Variants in MTRF1 observed in about 807,000 individuals in gnomAD.
The protein encoded by MTRF1 is peptide chain release factor 1, mitochondrial.
In MTRF1, 51 loss-of-function variants were observed where a neutral mutation model predicts 62.9. The ratio of observed to expected loss-of-function variants is 0.81; its 90% CI spans 0.65 to 1.02. The LOEUF (loss-of-function observed/expected upper bound fraction) is 1.02. Ranked by LOEUF, MTRF1 falls within the 50% of genes least tolerant of loss-of-function variation. The pLI is 0.00. For synonymous variants in MTRF1, 158 were observed against 181.9 expected, an observed-to-expected ratio of 0.87 and a Z score of 1.06; for missense variants, 446 against 530.0, an observed-to-expected ratio of 0.84 and a Z score of 1.56.
At chr13:41,304,136 T>C in the MTRF1 span, among the ~76,000 whole-genome samples, 1 of 152,088 alleles carries the variant, frequency 6.6e-6, no homozygotes, top group African/African-American at 2.4e-5. Flanking sequence ...TCTGGTAACA[T>C]AAGAAAAGAA....
chr13:41,272,768 A>G, the MTRF1 span, among the ~76,000 whole-genome samples: 1,209 of 152,212 alleles, frequency 7.9e-3, 16 homozygotes, highest in African/African-American at 0.027. Flanking sequence ...CAAACTACAT[A>G]AAGGATTTAC....
At chr13:41,222,135 T>A (rs151011849) in intron 9 of MTRF1, among the ~76,000 whole-genome samples, 208 of 152,242 alleles carry the variant, frequency 1.4e-3, no homozygotes, top group Middle Eastern at 0.014. Flanking sequence ...GAAAGAAGCC[T>A]TAGGTATCAC....
Position 41,252,833 on chromosome 13 carries a change from G to T in MTRF1, c.590-81C>A, listed in dbSNP as rs1593977396. ...AAGACTAAGTCCTTTAGGAAATAAA[G>T]AATAACTATTTCCAAATTTAAATAC... On this transcript the variant is annotated intron_variant, in intron 4 of 9. Coordinates refer to ENST00000379480, the MANE Select transcript of MTRF1 (RefSeq NM_004294.4). 2.9e-6 allele frequency: 4 copies of T among 1,380,144 alleles called. No homozygotes were observed. In the East Asian group the frequency reaches 7.0e-5, roughly 24 times the overall value. The allele number at this position is 1,380,144 out of a possible 1,614,324, so 85.5% of individuals were successfully genotyped here.
chr13:41,309,335 C>G, the MTRF1 span, among the ~76,000 whole-genome samples: 1 of 119,166 alleles, frequency 8.4e-6, no homozygotes, highest in African/African-American at 3.1e-5. Context: ...GCCACTATGC[C>G]CAGCTAGTGT....
intron 8 of MTRF1, among the ~76,000 whole-genome samples, chr13:41,223,919 A>G (rs1289846662): frequency 2.0e-5 from 3 of 151,756 alleles, no homozygotes; most frequent in East Asian, 3.9e-4. Flanking sequence ...TTAATCTCCA[A>G]TTTTTTTGCT....
the MTRF1 span, among the ~76,000 whole-genome samples, chr13:41,278,510 T>C: frequency 7.2e-5 from 11 of 152,206 alleles, no homozygotes; most frequent in Non-Finnish European, 1.3e-4. Flanking sequence ...CTATGCTCTA[T>C]GCAGAGGTTA....
the MTRF1 span, among the ~76,000 whole-genome samples, chr13:41,296,518 A>C: frequency 6.6e-6 from 1 of 152,358 alleles, no homozygotes; most frequent in South Asian, 2.1e-4. Context: ...CAAAGAATGT[A>C]TCTCTCATTT....
intron 5 of MTRF1, among the ~76,000 whole-genome samples, chr13:41,249,487 G>A (rs1324695564): frequency 1.3e-5 from 2 of 152,006 alleles, no homozygotes; most frequent in Non-Finnish European, 1.5e-5. Context: ...CTTGCAGTGA[G>A]CTGATATCAC....
chr13:41,217,139 A>G lies in MTRF1; in HGVS notation c.1314T>C (p.Asp438=), dbSNP rs779048835. ...TTTATTTTGCTGATTTAAGGTGTTC[A>G]TCCAAAAGTTCAGCAATGGCTTCTT... is the stretch of plus-strand genomic sequence containing the variant. The part of the protein sequence containing the change: ...ADEEAIAELL[D]EHLKSAK The change falls in exon 10 of 10, where the codon GAT becomes GAC. Residue 438 remains aspartate, a synonymous_variant. Transcript: ENST00000379480. 1 of 1,606,490 alleles carries G rather than the reference A, an allele frequency of 6.2e-7. No individual in the cohort carries two copies. Among genetic ancestry groups the G allele is most frequent in the Non-Finnish European group, 8.5e-7 (1 of 1,175,440 alleles).
chr13:41,260,553 T>C lies in MTRF1; in HGVS notation c.355A>G (p.Ile119Val). The stretch of plus-strand genomic sequence containing the variant: ...TCAGTCTCCTGAATTTCTTGGTAAA[T>C]GGCTGCAAGAGGTGCCAACTCAGCA... Reference protein sequence around the residue: ...RHAELAPLAAIYQEIQETEQA... With the variant: ...RHAELAPLAAVYQEIQETEQA... The change falls in exon 2 of 10, where the codon ATT (isoleucine) becomes GTT (valine). Residue 119 changes from isoleucine to valine, a missense_variant. By Grantham distance (29) the Ile-to-Val change is conservative. Transcript: ENST00000379480. 2.5e-6 allele frequency: 4 copies of C among 1,614,132 alleles called. No homozygotes were observed. Among genetic ancestry groups the C allele is most frequent in the Non-Finnish European group, 2.5e-6 (3 of 1,180,012 alleles).
intron 5 of MTRF1, among the ~76,000 whole-genome samples, chr13:41,241,516 CCT>C (rs1250133032): frequency 6.6e-6 from 1 of 152,174 alleles, no homozygotes; most frequent in Non-Finnish European, 1.5e-5. Context: ...CAGACATAAT[CCT>C]CTCTCTTCCC....
chr13:41,266,330 G>T (rs916525990), upstream of MTRF1, among the ~76,000 whole-genome samples: 1 of 152,124 alleles, frequency 6.6e-6, no homozygotes, highest in Non-Finnish European at 1.5e-5. Context: ...TTAGAACTCG[G>T]GCTGGGCGTG....
chr13:41,232,010 C>T (rs781357799), intron 7 of MTRF1, among the ~76,000 whole-genome samples: 16 of 151,800 alleles, frequency 1.1e-4, no homozygotes, highest in Non-Finnish European at 2.1e-4. Context: ...AAAGTCACAG[C>T]TGCAGTGAGC....
chr13:41,249,371 C>T (rs1205287472), intron 5 of MTRF1, among the ~76,000 whole-genome samples: 1 of 151,990 alleles, frequency 6.6e-6, no homozygotes, highest in East Asian at 1.9e-4. Flanking sequence ...GAAACCCCGT[C>T]TCTACTAAAA....
the MTRF1 span, among the ~76,000 whole-genome samples, chr13:41,289,668 G>C: frequency 6.6e-6 from 1 of 152,266 alleles, no homozygotes; most frequent in Admixed American, 6.5e-5. Flanking sequence ...GTCTGCTGCC[G>C]ATCTGATCCA....
the MTRF1 span, among the ~76,000 whole-genome samples, chr13:41,290,292 G>A: frequency 2.0e-5 from 3 of 151,394 alleles, no homozygotes; most frequent in African/African-American, 7.3e-5. Context: ...GTAGAGACGG[G>A]GTTTCACCAT....
At position 41,217,201 on chromosome 13, in the gene MTRF1, C is replaced by A. The variant is rs1190226497; in HGVS notation, c.1252G>T (p.Asp418Tyr). 2 of 1,607,510 alleles carry A rather than the reference C, an allele frequency of 1.2e-6. No homozygotes were observed. Among genetic ancestry groups the A allele is most frequent in the Non-Finnish European group, 1.7e-6 (2 of 1,176,406 alleles). ...TGAAGCAGTCTCTGAATTAGCTGAT[C>A]CAGGCCCTTCCCACCACATAAAAAT... Reference protein sequence around the residue: ...KEFLCGGKGLDQLIQRLLQSA... With the variant: ...KEFLCGGKGLYQLIQRLLQSA... Residue 418 changes from aspartate (D) to tyrosine (Y), a missense_variant, in exon 10 of 10, where the codon GAT becomes TAT. Asp to Tyr is a radical substitution (Grantham distance 160). Coordinates refer to ENST00000379480, the MANE Select transcript of MTRF1 (RefSeq NM_004294.4).
chr13:41,265,105 T>C (rs762584694), upstream of MTRF1, among the ~76,000 whole-genome samples: 3 of 152,192 alleles, frequency 2.0e-5, no homozygotes, highest in East Asian at 1.9e-4. Context: ...TTGAGTATTA[T>C]ATATAAAGCT....
the MTRF1 span, among the ~76,000 whole-genome samples, chr13:41,279,597 CTCA>C: frequency 2.0e-5 from 3 of 152,148 alleles, no homozygotes; most frequent in African/African-American, 4.8e-5. Context: ...ACCATAAATT[CTCA>C]TCAGATGGGT....
Sources: gnomAD v4.1 joint callset for allele counts (sites outside exome capture counted in the v4.1 genomes callset) on GRCh38, gnomAD v4.1.1 for gene constraint, MANE v1.5 for transcripts, NCBI Gene and HGNC (gene_info 2026-07-23, HGNC 2026-07-21) for gene names.